VEZT: variants seen among roughly 807,000 people sequenced by gnomAD.
VEZT encodes vezatin.
In VEZT, 39 loss-of-function variants were observed where a neutral mutation model predicts 79.9. That is an observed-to-expected ratio of 0.49 (90% CI 0.38 to 0.64). The LOEUF is 0.64. Among genes scored for constraint, VEZT ranks in the 30% least tolerant of loss-of-function variants. The probability of loss-of-function intolerance (pLI) is 0.00; values close to 1 mark genes in which losing one functional copy is unlikely to be tolerated. For missense variants in VEZT, 837 were observed against 893.1 expected (o/e 0.94, Z 0.80); for synonymous variants, 325 against 327.6 (o/e 0.99, Z 0.09).
chr12:95,235,171 G>A (rs1291935047), intron 1 of VEZT, among the ~76,000 whole-genome samples: 1 of 152,072 alleles, frequency 6.6e-6, no homozygotes, highest in Admixed American at 6.5e-5. Context: ...CGAGCTGTTG[G>A]GTACACCTCC....
intron 1 of VEZT, among the ~76,000 whole-genome samples, chr12:95,238,642 A>G (rs183600367): frequency 8.5e-4 from 130 of 152,306 alleles, no homozygotes; most frequent in African/African-American, 3.1e-3. Flanking sequence ...TGACTATCTC[A>G]TAGGCACTTC....
chr12:95,292,548 ATT>A (rs11428521), intron 9 of VEZT, among the ~76,000 whole-genome samples: 8 of 135,460 alleles, frequency 5.9e-5, no homozygotes, highest in Admixed American at 7.5e-5. Flanking sequence ...GATAACTGTA[ATT>A]TTTTTTTTTT....
chr12:95,300,279 A>G lies in VEZT; in HGVS notation c.1946A>G (p.Asn649Ser), dbSNP rs2139999169. 1 of 1,600,174 alleles carries G rather than the reference A, an allele frequency of 6.2e-7. No individual in the cohort carries two copies. Among genetic ancestry groups the G allele is most frequent in the Non-Finnish European group, 8.5e-7 (1 of 1,172,742 alleles). ...VSKNDTEEESNKSATTDNEIS... is the reference protein window; with the variant it reads ...VSKNDTEEESSKSATTDNEIS... ...AAAAATGATACTGAAGAGGAAAGTA[A>G]TAAATCCGCCACAACAGACAATGAA... Residue 649 changes from asparagine (N) to serine (S), a missense_variant, in exon 12 of 12, where the codon AAT (asparagine) becomes AGT (serine). By Grantham distance (46) the Asn-to-Ser change is conservative (BLOSUM62 1). Transcript: ENST00000436874.
intron 11 of VEZT, chr12:95,298,907 A>G (rs2074752420): frequency 6.5e-6 from 1 of 152,984 alleles, no homozygotes; most frequent in African/African-American, 2.4e-5. Flanking sequence ...CATTATGGGA[A>G]AGATTTATCA....
At chr12:95,290,057 C>G (rs1339348772) in intron 9 of VEZT, among the ~76,000 whole-genome samples, 2 of 152,152 alleles carry the variant, frequency 1.3e-5, no homozygotes, top group East Asian at 3.9e-4. Flanking sequence ...AAAATGAACA[C>G]CAACCATGAT....
intron 11 of VEZT, among the ~76,000 whole-genome samples, chr12:95,297,368 C>T (rs1664660027): frequency 6.6e-6 from 1 of 152,084 alleles, no homozygotes; most frequent in Non-Finnish European, 1.5e-5. Flanking sequence ...ACATAGATTA[C>T]CTATACTTCT....
At chr12:95,273,211 C>G (rs1432796578) in intron 6 of VEZT, among the ~76,000 whole-genome samples, 1 of 151,912 alleles carries the variant, frequency 6.6e-6, no homozygotes, top group African/African-American at 2.4e-5. Flanking sequence ...TCTTAGTGCT[C>G]TAATGTGGAT....
chr12:95,264,537 A>G (rs1300550032), intron 4 of VEZT, among the ~76,000 whole-genome samples: 3 of 152,094 alleles, frequency 2.0e-5, no homozygotes, highest in South Asian at 2.1e-4. Flanking sequence ...CCTAGACTCA[A>G]GTGATCCTCC....
chr12:95,243,888 G>GCC (rs1166436170), intron 1 of VEZT: 2 of 448,660 alleles, frequency 4.5e-6, no homozygotes, highest in Non-Finnish European at 8.9e-6. Flanking sequence ...TTAGGGCTTG[G>GCC]CCCCTTTGCA....
chr12:95,240,017 AAAGAAAGGAAGGAAGGAAGG>A (rs2060744041), intron 1 of VEZT, among the ~76,000 whole-genome samples: 5 of 112,134 alleles, frequency 4.5e-5, no homozygotes, highest in Admixed American at 4.1e-4. Context: ...AGAAAGAGAG[AAAGAAAGGAAGGAAGGAAGG>A]AAGGAAGGAA....
At chr12:95,278,762 C>T (rs1451125646) in intron 7 of VEZT, among the ~76,000 whole-genome samples, 6 of 152,152 alleles carry the variant, frequency 3.9e-5, no homozygotes, top group Non-Finnish European at 8.8e-5. Flanking sequence ...TTGAATATTT[C>T]TTATCCAGGC....
At chr12:95,238,303 G>T (rs971178772) in intron 1 of VEZT, among the ~76,000 whole-genome samples, 6 of 152,106 alleles carry the variant, frequency 3.9e-5, no homozygotes, top group African/African-American at 1.4e-4. Context: ...TCTTTATAGA[G>T]TTGTTAGAAT....
At chr12:95,252,169 C>G in intron 2 of VEZT, 98 bp downstream of exon 2, 1 of 1,270,218 alleles carries the variant, frequency 7.9e-7, no homozygotes, top group Non-Finnish European at 1.1e-6. Flanking sequence ...CTCCCTCACA[C>G]TGGTAAGACT....
At chr12:95,264,531 G>C (rs537179838) in intron 4 of VEZT, among the ~76,000 whole-genome samples, 5 of 151,952 alleles carry the variant, frequency 3.3e-5, no homozygotes, top group Non-Finnish European at 7.4e-5. Context: ...CAGCCTCCTA[G>C]ACTCAAGTGA....
intron 9 of VEZT, among the ~76,000 whole-genome samples, chr12:95,290,966 T>C (rs951515670): frequency 2.0e-5 from 3 of 152,114 alleles, no homozygotes; most frequent in Non-Finnish European, 2.9e-5. Flanking sequence ...AAGTTTCCCA[T>C]TGTTAAAAAT....
rs371699233 is a variant in VEZT, at chr12:95,270,086, A to G, written c.746A>G (p.Gln249Arg). ...SAACPFNKAG[Q>R]HPSQHLIGLR... ...GCTTGCCCATTTAATAAAGCTGGAC[A>G]GCATCCAAGTCAGCATCTCATCGGT... The change falls in exon 6 of 12, where the codon CAG (glutamine) becomes CGG (arginine). Residue 249 changes from glutamine to arginine, a missense_variant. Transcript: ENST00000436874. 1.9e-6 allele frequency: 3 copies of G among 1,611,736 alleles called. No individual in the cohort carries two copies. Among genetic ancestry groups the G allele is most frequent in the Non-Finnish European group, 2.5e-6 (3 of 1,178,994 alleles).
At chr12:95,223,778 G>A (rs116720609) in intron 1 of VEZT, among the ~76,000 whole-genome samples, 2,478 of 151,980 alleles carry the variant, frequency 0.016, 50 homozygotes, top group African/African-American at 0.056. Context: ...AAAACTAGTT[G>A]GTTTTGTTTG....
chr12:95,239,613 C>T (rs1414789032), intron 1 of VEZT, among the ~76,000 whole-genome samples: 2 of 152,092 alleles, frequency 1.3e-5, no homozygotes, highest in Admixed American at 6.6e-5. Flanking sequence ...CTCAAGGGTG[C>T]ATCAGGGCTA....
intron 9 of VEZT, among the ~76,000 whole-genome samples, chr12:95,292,933 C>A (rs1319656588): frequency 6.6e-6 from 1 of 150,378 alleles, no homozygotes; most frequent in African/African-American, 2.5e-5. Flanking sequence ...TCACTGCAAC[C>A]TCCATCTCCC....
Sources: gnomAD v4.1 joint callset for allele counts (sites outside exome capture counted in the v4.1 genomes callset) on GRCh38, gnomAD v4.1.1 for gene constraint, MANE v1.5 for transcripts, NCBI Gene and HGNC (gene_info 2026-07-23, HGNC 2026-07-21) for gene names.